The following QTMAN variants were observed in gnomAD, a reference collection of about 807,000 sequenced individuals.
The protein encoded by QTMAN is queuosine-tRNA mannosyltransferase.
chr2:143,954,474 C>T, the QTMAN span, among the ~76,000 whole-genome samples: 8 of 151,852 alleles, frequency 5.3e-5, no homozygotes, highest in South Asian at 4.2e-4. Context: ...TGTACCATGC[C>T]GTTTCCAAAA....
At chr2:144,287,833 A>C in the QTMAN span, among the ~76,000 whole-genome samples, 3 of 152,138 alleles carry the variant, frequency 2.0e-5, no homozygotes, top group Non-Finnish European at 4.4e-5. Context: ...TGACAACACA[A>C]TTTATTTATG....
chr2:144,117,514 T>C, the QTMAN span, among the ~76,000 whole-genome samples: 1 of 152,214 alleles, frequency 6.6e-6, no homozygotes, highest in East Asian at 1.9e-4. Context: ...AATGCATAAT[T>C]TTCTAAGCAC....
the QTMAN span, among the ~76,000 whole-genome samples, chr2:144,071,528 T>C: frequency 1.3e-5 from 2 of 152,172 alleles, no homozygotes; most frequent in Non-Finnish European, 2.9e-5. Context: ...AGTTTACTGA[T>C]AATCATGCCT....
At chr2:144,218,915 TAAAAAAAAAA>T in the QTMAN span, among the ~76,000 whole-genome samples, 1 of 54,606 alleles carries the variant, frequency 1.8e-5, no homozygotes, top group Non-Finnish European at 4.1e-5. Flanking sequence ...GGAAAGTATC[TAAAAAAAAAA>T]AAAAAAAAAA....
the QTMAN span, among the ~76,000 whole-genome samples, chr2:144,108,641 T>TAAAAAAAA: frequency 7.5e-6 from 1 of 133,760 alleles, no homozygotes; most frequent in Non-Finnish European, 1.6e-5. Flanking sequence ...CTGTCTCAAT[T>TAAAAAAAA]AAAAAAAAAA....
At chr2:144,076,561 G>A in the QTMAN span, among the ~76,000 whole-genome samples, 3 of 152,150 alleles carry the variant, frequency 2.0e-5, no homozygotes, top group Admixed American at 6.5e-5. Flanking sequence ...CTGCAGACTC[G>A]AGAGTGTTCA....
chr2:144,053,986 G>A, the QTMAN span, among the ~76,000 whole-genome samples: 1 of 152,136 alleles, frequency 6.6e-6, no homozygotes, highest in Admixed American at 6.5e-5. Flanking sequence ...AGGAGATCGA[G>A]ATCATCCTGG....
chr2:144,011,769 C>G, the QTMAN span: 4 of 983,774 alleles, frequency 4.1e-6, no homozygotes, highest in Admixed American at 1.8e-4. Context: ...AGGCACATGT[C>G]TGAACACTTC....
chr2:144,073,203 T>C, the QTMAN span, among the ~76,000 whole-genome samples: 1 of 151,346 alleles, frequency 6.6e-6, no homozygotes, highest in South Asian at 2.1e-4. Context: ...ACTATAAAAA[T>C]GTGAACTAAG....
chr2:144,029,033 TC>T, the QTMAN span, among the ~76,000 whole-genome samples: 3 of 152,204 alleles, frequency 2.0e-5, no homozygotes, highest in Non-Finnish European at 4.4e-5. Context: ...AGGGTCACCA[TC>T]TAATAGGTAA....
the QTMAN span, among the ~76,000 whole-genome samples, chr2:144,032,106 T>A: frequency 2.6e-5 from 4 of 152,228 alleles, no homozygotes; most frequent in South Asian, 2.1e-4. Flanking sequence ...ATTTTTAAGA[T>A]GTTGCAAGGC....
chr2:144,272,338 T>C, the QTMAN span, among the ~76,000 whole-genome samples: 1 of 152,138 alleles, frequency 6.6e-6, no homozygotes, highest in Non-Finnish European at 1.5e-5. Context: ...CCAAACAAAA[T>C]TTAGGTTTGA....
the QTMAN span, among the ~76,000 whole-genome samples, chr2:144,283,450 C>G: frequency 6.6e-6 from 1 of 151,922 alleles, no homozygotes; most frequent in Non-Finnish European, 1.5e-5. Flanking sequence ...ATTATACACA[C>G]GGCAAAAAAG....
chr2:144,047,192 G>A, the QTMAN span, among the ~76,000 whole-genome samples: 2 of 152,078 alleles, frequency 1.3e-5, no homozygotes, highest in East Asian at 3.9e-4. Flanking sequence ...AATTGCTTGA[G>A]CCCAAGAGGT....
the QTMAN span, among the ~76,000 whole-genome samples, chr2:144,188,967 G>A: frequency 6.6e-6 from 1 of 152,120 alleles, no homozygotes; most frequent in Non-Finnish European, 1.5e-5. Context: ...AAAGGAAATA[G>A]CCGGCAAGTA....
the QTMAN span, among the ~76,000 whole-genome samples, chr2:144,301,679 T>A: frequency 6.6e-6 from 1 of 152,148 alleles, no homozygotes; most frequent in Non-Finnish European, 1.5e-5. Flanking sequence ...AATACAGCCA[T>A]AAGAGGCTCT....
the QTMAN span, among the ~76,000 whole-genome samples, chr2:144,180,720 T>C: frequency 7.9e-5 from 12 of 152,296 alleles, no homozygotes; most frequent in Admixed American, 5.2e-4. Flanking sequence ...TAGGTCCCAT[T>C]GGCCAATGAC....
chr2:144,151,927 A>C, the QTMAN span, among the ~76,000 whole-genome samples: 2 of 152,198 alleles, frequency 1.3e-5, no homozygotes, highest in African/African-American at 4.8e-5. Context: ...AAAACTTACA[A>C]GAACACTGCC....
At chr2:144,042,142 G>A in the QTMAN span, among the ~76,000 whole-genome samples, 1 of 152,058 alleles carries the variant, frequency 6.6e-6, no homozygotes, top group Non-Finnish European at 1.5e-5. Flanking sequence ...GGGAACTTTT[G>A]CCAGTATGAT....
Sources: allele counts gnomAD v4.1 joint callset (sites outside exome capture counted in the v4.1 genomes callset), GRCh38; gene constraint gnomAD v4.1.1; transcripts MANE v1.5; gene names NCBI Gene and HGNC (gene_info 2026-07-23, HGNC 2026-07-21).